The following AMER3 variants were observed in gnomAD, a reference collection of about 807,000 sequenced individuals.
AMER3 encodes APC membrane recruitment protein 3.
For synonymous variants in AMER3, 541 were observed against 485.5 expected, an observed-to-expected ratio of 1.11 and a Z score of -1.50; for missense variants, 1,201 against 1,139.4, an observed-to-expected ratio of 1.05 and a Z score of -0.78.
At position 130,763,734 on chromosome 2, in the gene AMER3, A is replaced by C; in HGVS notation, c.1662A>C (p.Ala554=). The C allele has an allele frequency of 6.3e-7, 1 of 1,580,168 alleles. No homozygotes were observed. The highest frequency in any genetic ancestry group is 8.6e-7 in the Non-Finnish European group (1 of 1,164,954). The part of the protein sequence containing the change: ...LGGREGLASD[A]GGATVCSAPS... ...GCAGGGAGGGCCTGGCCTCAGATGC[A>C]GGGGGGGCGACAGTTTGCTCAGCAC... Residue 554 remains alanine, a synonymous_variant, in exon 2 of 2, where the codon GCA becomes GCC. Coordinates refer to ENST00000321420, the MANE Select transcript of AMER3 (RefSeq NM_152698.3).
chr2:130,759,315 C>T (rs560687470), intron 1 of AMER3, among the ~76,000 whole-genome samples: 2 of 152,322 alleles, frequency 1.3e-5, no homozygotes, highest in Non-Finnish European at 2.9e-5. Flanking sequence ...AAATTTCCAA[C>T]TGTTCATGAT....
Position 130,763,522 on chromosome 2 carries a change from C to G in AMER3, c.1450C>G (p.Leu484Val). ...CCCTGACCTGCTCAGCCAGGGCTTC[C>G]TACAGAGCTCCTGGAAGGGCAAGGA... The part of the protein sequence containing the change: ...PGPDLLSQGF[L>V]QSSWKGKECL... The change falls in exon 2 of 2, where the codon CTA becomes GTA. Residue 484 changes from leucine to valine, a missense_variant. Physicochemically the swap from Leu to Val is conservative, Grantham distance 32. Transcript: ENST00000321420. 6.2e-7 allele frequency: 1 copy of G among 1,612,496 alleles called. No homozygotes were observed. The highest frequency in any genetic ancestry group is 8.5e-7 in the Non-Finnish European group (1 of 1,179,732).
intron 1 of AMER3, among the ~76,000 whole-genome samples, chr2:130,757,089 A>G (rs942954281): frequency 6.6e-6 from 1 of 152,102 alleles, no homozygotes; most frequent in Non-Finnish European, 1.5e-5. Flanking sequence ...TGGCATGTGT[A>G]TTCCTCCAGG....
chr2:130,756,035 C>A (rs1272200416), intron 1 of AMER3, among the ~76,000 whole-genome samples: 1 of 152,056 alleles, frequency 6.6e-6, no homozygotes. Context: ...GAAACAGAGA[C>A]GGGGCGATAC....
Position 130,764,867 on chromosome 2 carries a change from C to T in AMER3, c.*209C>T, listed in dbSNP as rs1238089654. 18 of 628,700 alleles carry T rather than the reference C, an allele frequency of 2.9e-5. No individual in the cohort carries two copies. The East Asian group carries it at 3.7e-4, about 13-fold the overall frequency. 38.9% of individuals were successfully genotyped at this position (628,700 alleles called of 1,614,324 possible). A position where few individuals can be genotyped will look rare whatever the true frequency, so the allele number is the denominator to read the frequency against. ...TCAGGCAGCCCACCGCCAAAGACAG[C>T]GCGAAGCTGCAACCACCTAGCTGCT... On this transcript the variant is annotated 3_prime_UTR_variant, in exon 2 of 2. Coordinates refer to ENST00000321420, the MANE Select transcript of AMER3 (RefSeq NM_152698.3).
In AMER3 at chr2:130,764,793, C is replaced by A; in HGVS notation, c.*135C>A. ...TGGGGGGTGGCAGGACTCAGGCATGCAGAGGGTAGCATGTTCATGTGGAGG... is the reference window on the plus strand; with the variant it reads ...TGGGGGGTGGCAGGACTCAGGCATGAAGAGGGTAGCATGTTCATGTGGAGG... On this transcript the variant is annotated 3_prime_UTR_variant, in exon 2 of 2. Coordinates refer to ENST00000321420, the MANE Select transcript of AMER3 (RefSeq NM_152698.3). 8.9e-7 allele frequency: 1 copy of A among 1,119,066 alleles called. No individual in the cohort carries two copies. The highest frequency in any genetic ancestry group is 1.3e-6 in the Non-Finnish European group (1 of 798,482). 69.3% of individuals were successfully genotyped at this position (1,119,066 alleles called of 1,614,324 possible).
chr2:130,755,880 T>G (rs1678587832), intron 1 of AMER3: 1 of 152,232 alleles, frequency 6.6e-6, no homozygotes, highest in Admixed American at 6.5e-5. Context: ...GGGCTGGCTC[T>G]CTGGGCTGAG....
intron 1 of AMER3, among the ~76,000 whole-genome samples, chr2:130,756,885 G>T (rs1678628096): frequency 6.6e-6 from 1 of 151,056 alleles, no homozygotes; most frequent in Non-Finnish European, 1.5e-5. Flanking sequence ...CCATGACAAG[G>T]CAGCCTACTA....
Position 130,762,692 on chromosome 2 carries a change from G to A in AMER3, c.620G>A (p.Gly207Glu), listed in dbSNP as rs1678830702. The change falls in exon 2 of 2, where the codon GGG becomes GAG. Residue 207 changes from glycine to glutamate, a missense_variant. Gly to Glu is a moderately conservative substitution (Grantham distance 98). Coordinates refer to ENST00000321420, the MANE Select transcript of AMER3 (RefSeq NM_152698.3). ...AAAGCCTTCCTCCCCCCGGGTGAGG[G>A]GCCGGGGCTGGACGGCCTGTGCCAG... ...RSKAFLPPGE[G>E]PGLDGLCQDL... 6.2e-7 allele frequency: 1 copy of A among 1,611,384 alleles called. No individual in the cohort carries two copies. The highest frequency in any genetic ancestry group is 2.2e-5 in the East Asian group (1 of 44,834).
chr2:130,760,861 T>C (rs1401129402), intron 1 of AMER3, among the ~76,000 whole-genome samples: 3 of 152,098 alleles, frequency 2.0e-5, no homozygotes, highest in South Asian at 2.1e-4. Flanking sequence ...CCCTCCTCCT[T>C]CGCTCATTTC....
In AMER3 at chr2:130,763,110, G is replaced by A. The variant is rs371693870; in HGVS notation, c.1038G>A (p.Gly346=). 1.9e-6 allele frequency: 3 copies of A among 1,612,972 alleles called. No individual in the cohort carries two copies. The highest frequency in any genetic ancestry group is 1.7e-5 in the Admixed American group (1 of 59,992). The change falls in exon 2 of 2, where the codon GGG becomes GGA. Residue 346 remains glycine, a synonymous_variant. Coordinates refer to ENST00000321420, the MANE Select transcript of AMER3 (RefSeq NM_152698.3). The part of the protein sequence containing the change: ...DRDQSRLDTA[G]LAELPLCPCR... ...ACCAATCCCGGCTGGACACAGCTGG[G>A]CTCGCTGAGCTGCCCCTCTGCCCCT...
rs1215316872 is a variant in AMER3, at chr2:130,762,591, C to T, written c.519C>T (p.Asp173=). ...ACATTCGGAGAAACAAGACTGAGGA[C>T]TTGGCCTCGCTGGCGGCCGAGGGGA... ...LFHIRRNKTE[D]LASLAAEGKS... is the part of the protein sequence containing the mutation. Residue 173 remains aspartate (D), a synonymous_variant, in exon 2 of 2, where the codon GAC becomes GAT. Transcript: ENST00000321420. The T allele has an allele frequency of 5.6e-6, 9 of 1,613,002 alleles. No individual in the cohort carries two copies. The highest frequency in any genetic ancestry group is 1.3e-5 in the African/African-American group (1 of 74,938).
chr2:130,763,791 C>T lies in AMER3; in HGVS notation c.1719C>T (p.Gly573=), dbSNP rs1558968758. The change falls in exon 2 of 2, where the codon GGC becomes GGT. Residue 573 remains glycine (G), a synonymous_variant. Transcript: ENST00000321420. ...PSRQELWAHP[G]TTGLLAGESK... Reference sequence around the variant, plus strand: ...GGCAGGAGCTGTGGGCACACCCGGGCACCACAGGCCTGCTCGCCGGAGAGA... The same window carrying T: ...GGCAGGAGCTGTGGGCACACCCGGGTACCACAGGCCTGCTCGCCGGAGAGA... 3.1e-6 allele frequency: 5 copies of T among 1,607,894 alleles called. No individual in the cohort carries two copies. Among genetic ancestry groups the T allele is most frequent in the Non-Finnish European group, 4.2e-6 (5 of 1,177,144 alleles).
Position 130,762,067 on chromosome 2 carries a change from G to T in AMER3, c.-6G>T. The T allele has an allele frequency of 6.2e-7, 1 of 1,608,508 alleles. No homozygotes were observed. Among genetic ancestry groups the T allele is most frequent in the South Asian group, 1.1e-5 (1 of 89,994 alleles). On this transcript the variant is annotated 5_prime_UTR_variant, in exon 2 of 2. Coordinates refer to ENST00000321420, the MANE Select transcript of AMER3 (RefSeq NM_152698.3). ...TTTCCTCCACAGCAGCTGGGGCACTGGCAGCATGGAGCTGAAGAGAGGAAA... is the reference window on the plus strand; with the variant it reads ...TTTCCTCCACAGCAGCTGGGGCACTTGCAGCATGGAGCTGAAGAGAGGAAA...
chr2:130,758,463 AAGG>A (rs759370133), intron 1 of AMER3, among the ~76,000 whole-genome samples: 15 of 152,134 alleles, frequency 9.9e-5, no homozygotes, highest in Non-Finnish European at 1.6e-4. Flanking sequence ...GGAAGGAAGG[AAGG>A]AGAGAAGAAA....
Position 130,764,441 on chromosome 2 carries a change from A to G in AMER3, c.2369A>G (p.Gln790Arg). The change falls in exon 2 of 2, where the codon CAG (glutamine) becomes CGG (arginine). Residue 790 changes from glutamine to arginine, a missense_variant. Gln to Arg is a conservative substitution (Grantham distance 43). Transcript: ENST00000321420. Reference protein sequence around the residue: ...EAVEQVAHGSQLDSEPRSAPA... With the variant: ...EAVEQVAHGSRLDSEPRSAPA... ...GTGGAGCAGGTGGCACACGGCAGCC[A>G]GCTGGACTCTGAGCCCCGCTCAGCC... The G allele has an allele frequency of 6.2e-7, 1 of 1,606,186 alleles. No homozygotes were observed. The highest frequency in any genetic ancestry group is 8.5e-7 in the Non-Finnish European group (1 of 1,176,936).
Position 130,763,064 on chromosome 2 carries a change from G to A in AMER3, c.992G>A (p.Gly331Asp), listed in dbSNP as rs1558967472. Residue 331 changes from glycine (G) to aspartate (D), a missense_variant, in exon 2 of 2, where the codon GGC becomes GAC. Physicochemically the swap from Gly to Asp is moderately conservative, Grantham distance 94. Coordinates refer to ENST00000321420, the MANE Select transcript of AMER3 (RefSeq NM_152698.3). ...GCCCTCCTAGGCCCGTGGCTTTCAGGCCCCCAGGGGACAGACAGGGACCAA... is the reference window on the plus strand; with the variant it reads ...GCCCTCCTAGGCCCGTGGCTTTCAGACCCCCAGGGGACAGACAGGGACCAA... ...QRALLGPWLS[G>D]PQGTDRDQSR... The A allele has an allele frequency of 1.2e-6, 2 of 1,612,796 alleles. No individual in the cohort carries two copies. The highest frequency in any genetic ancestry group is 1.7e-6 in the Non-Finnish European group (2 of 1,179,870).
Position 130,762,420 on chromosome 2 carries a change from C to T in AMER3, c.348C>T (p.Ser116=). 1 of 1,612,478 alleles carries T rather than the reference C, an allele frequency of 6.2e-7. No homozygotes were observed. Among genetic ancestry groups the T allele is most frequent in the East Asian group, 2.2e-5 (1 of 44,880 alleles). The part of the protein sequence containing the change: ...AATGQLVGSA[S]FPGSPGSRRM... ...CAGGGCAGCTGGTGGGCAGTGCAAG[C>T]TTCCCGGGCTCCCCGGGCAGCCGGC... Residue 116 remains serine, a synonymous_variant, in exon 2 of 2, where the codon AGC becomes AGT. Coordinates refer to ENST00000321420, the MANE Select transcript of AMER3 (RefSeq NM_152698.3).
chr2:130,764,274 A>T lies in AMER3; in HGVS notation c.2202A>T (p.Leu734=). 1 of 1,609,616 alleles carries T rather than the reference A, an allele frequency of 6.2e-7. No homozygotes were observed. The highest frequency in any genetic ancestry group is 8.5e-7 in the Non-Finnish European group (1 of 1,177,694). Residue 734 remains leucine, a synonymous_variant, in exon 2 of 2, where the codon CTA becomes CTT. Coordinates refer to ENST00000321420, the MANE Select transcript of AMER3 (RefSeq NM_152698.3). The part of the protein sequence containing the change: ...SSPSMTTIHG[L]PYSASTQDQR... ...CCAGCATGACCACCATCCATGGCCTACCCTACTCAGCCAGCACACAGGACC... is the reference window on the plus strand; with the variant it reads ...CCAGCATGACCACCATCCATGGCCTTCCCTACTCAGCCAGCACACAGGACC...
Sources: gnomAD v4.1 joint callset for allele counts (sites outside exome capture counted in the v4.1 genomes callset) on GRCh38, gnomAD v4.1.1 for gene constraint, MANE v1.5 for transcripts, NCBI Gene and HGNC (gene_info 2026-07-23, HGNC 2026-07-21) for gene names.